CNTN4: variants seen among roughly 807,000 people sequenced by gnomAD.
The protein encoded by CNTN4 is contactin-4.
A neutral mutation model predicts 122.5 loss-of-function variants in CNTN4; 77 were observed. The observed-to-expected ratio is 0.63, with a 90% CI of 0.52 to 0.76. The LOEUF is 0.76. Among genes scored for constraint, CNTN4 ranks in the 30% least tolerant of loss-of-function variants. The pLI is 0.00. For missense variants in CNTN4, 1,256 were observed against 1,259.1 expected, an observed-to-expected ratio of 1.00 and a Z score of 0.04; for synonymous variants, 512 against 447.0, an observed-to-expected ratio of 1.15 and a Z score of -1.83.
At chr3:2,759,133 G>A (rs1241132863) in intron 6 of CNTN4, among the ~76,000 whole-genome samples, 4 of 152,018 alleles carry the variant, frequency 2.6e-5, no homozygotes, top group Middle Eastern at 3.2e-3. Flanking sequence ...CATCTGTGTC[G>A]TAGTGTGTAT....
intron 14 of CNTN4, among the ~76,000 whole-genome samples, chr3:3,018,377 T>G (rs1250127973): frequency 6.6e-6 from 1 of 152,230 alleles, no homozygotes; most frequent in African/African-American, 2.4e-5. Context: ...GCCATCTTTT[T>G]TATTTTATTG....
At chr3:3,047,340 C>T (rs1700764182) in intron 23 of CNTN4, among the ~76,000 whole-genome samples, 1 of 152,218 alleles carries the variant, frequency 6.6e-6, no homozygotes, top group Non-Finnish European at 1.5e-5. Flanking sequence ...CTCAGCACCA[C>T]ATCGCACTTA....
chr3:2,334,668 A>T (rs2043872299), intron 2 of CNTN4, among the ~76,000 whole-genome samples: 1 of 152,196 alleles, frequency 6.6e-6, no homozygotes, highest in Non-Finnish European at 1.5e-5. Context: ...GCGCAATTAT[A>T]GGAGACTTGT....
chr3:3,010,578 C>G (rs1322865724), intron 14 of CNTN4, among the ~76,000 whole-genome samples: 4 of 151,996 alleles, frequency 2.6e-5, no homozygotes, highest in Non-Finnish European at 5.9e-5. Flanking sequence ...GAAGCCAGCA[C>G]AATGCCTGAC....
At chr3:2,111,863 A>G (rs1239607113) in intron 2 of CNTN4, among the ~76,000 whole-genome samples, 2 of 152,148 alleles carry the variant, frequency 1.3e-5, no homozygotes, top group Non-Finnish European at 2.9e-5. Context: ...CATTTATTCA[A>G]TATGATGCTT....
intron 6 of CNTN4, among the ~76,000 whole-genome samples, chr3:2,751,882 G>T (rs754275886): frequency 6.6e-6 from 1 of 152,056 alleles, no homozygotes; most frequent in African/African-American, 2.4e-5. Context: ...GAGAAGATGA[G>T]ATGTTATATT....
rs182466567 is a variant in CNTN4, at chr3:2,873,440, G to A, written c.652+6491G>A. 5.3e-5 allele frequency among the ~76,000 whole-genome samples: 8 copies of A among 152,330 alleles called. No individual in the cohort carries two copies. The East Asian group carries it at 9.6e-4, about 18-fold the overall frequency. ...CAGGCCACAGTGCGCCATTTTGTGA[G>A]CCTTCACCTCTGTGACCATTATACC... On this transcript the variant is annotated intron_variant, in intron 8 of 24. Transcript: ENST00000418658.
At chr3:2,293,494 G>A (rs911868130) in intron 2 of CNTN4, among the ~76,000 whole-genome samples, 4 of 152,084 alleles carry the variant, frequency 2.6e-5, no homozygotes, top group African/African-American at 9.7e-5. Flanking sequence ...AATGACTTTA[G>A]GCAAGTTACT....
chr3:2,313,289 A>T (rs2042977959), intron 2 of CNTN4, among the ~76,000 whole-genome samples: 1 of 151,972 alleles, frequency 6.6e-6, no homozygotes, highest in South Asian at 2.1e-4. Flanking sequence ...AAGGGATTAA[A>T]AATATTAAGG....
chr3:2,349,012 C>G (rs557940094), intron 3 of CNTN4, among the ~76,000 whole-genome samples: 10 of 152,286 alleles, frequency 6.6e-5, no homozygotes, highest in South Asian at 2.1e-4. Context: ...AGGAAAGATA[C>G]AACTTTGTCC....
At chr3:2,184,882 A>G (rs73017082) in intron 2 of CNTN4, among the ~76,000 whole-genome samples, 4,050 of 152,336 alleles carry the variant, frequency 0.027, 89 homozygotes, top group Admixed American at 0.041. Context: ...TTATAACAGC[A>G]CAAATGGACA....
chr3:2,536,693 G>A (rs570238106), intron 3 of CNTN4, among the ~76,000 whole-genome samples: 34 of 151,496 alleles, frequency 2.2e-4, no homozygotes, highest in Non-Finnish European at 4.9e-4. Context: ...CAAAATGGTG[G>A]GATTACAGGC....
chr3:2,886,406 A>T lies in CNTN4; in HGVS notation c.756-634A>T, dbSNP rs561013026. 1.4e-3 allele frequency among the ~76,000 whole-genome samples: 199 copies of T among 139,746 alleles called. 1 individual carries two copies. The highest frequency in any genetic ancestry group is 4.9e-3 in the African/African-American group (192 of 38,918). 91.7% of individuals were successfully genotyped at this position (139,746 alleles called of 152,430 possible). A position where few individuals can be genotyped will look rare whatever the true frequency, so the allele number is the denominator to read the frequency against. On this transcript the variant is annotated intron_variant, in intron 9 of 24. Coordinates refer to ENST00000418658, the MANE Select transcript of CNTN4 (RefSeq NM_175607.3). ...GTGATACTCCGTCTCAAAATAAAAA[A>T]AAATATATTAAAAAAAAAAGAAAAG...
chr3:2,923,031 G>T (rs1361252687), intron 12 of CNTN4, among the ~76,000 whole-genome samples: 2 of 152,148 alleles, frequency 1.3e-5, no homozygotes, highest in Non-Finnish European at 2.9e-5. Context: ...AAACTGAAAG[G>T]TGTGTTTTCT....
chr3:2,099,347 C>G (rs1264619615), intron 1 of CNTN4: 4 of 152,346 alleles, frequency 2.6e-5, no homozygotes, highest in Admixed American at 2.0e-4. Context: ...CTGCGGGAAG[C>G]CTTCAAGTCA....
chr3:2,130,591 G>A (rs1438765365), intron 2 of CNTN4, among the ~76,000 whole-genome samples: 1 of 152,126 alleles, frequency 6.6e-6, no homozygotes, highest in East Asian at 1.9e-4. Context: ...GGCACAATTT[G>A]CCTATATAAG....
At chr3:2,462,385 T>C (rs573691504) in intron 3 of CNTN4, among the ~76,000 whole-genome samples, 15 of 152,234 alleles carry the variant, frequency 9.9e-5, no homozygotes, top group Middle Eastern at 3.4e-3. Context: ...AATTGGTGTG[T>C]TTAGATATAG....
rs188738244 is a variant in CNTN4 at position 2,444,427 on chromosome 3, G to A, written c.-89+105194G>A. 4.8e-3 allele frequency among the ~76,000 whole-genome samples: 732 copies of A among 152,162 alleles called. 2 individuals are homozygous for A. Among genetic ancestry groups the A allele is most frequent in the Middle Eastern group, 0.017 (5 of 294 alleles). On this transcript the variant is annotated intron_variant, in intron 3 of 24. Transcript: ENST00000418658. ...AGATGCTTGTCCTGGGAAGATGGGCGAGAACTCTTCAGGCAGAAGGGGCAG... is the reference window on the plus strand; with the variant it reads ...AGATGCTTGTCCTGGGAAGATGGGCAAGAACTCTTCAGGCAGAAGGGGCAG...
rs1488614561 is a variant in CNTN4, at chr3:2,902,946, A to T, written c.1148A>T (p.Gln383Leu). 6.2e-7 allele frequency: 1 copy of T among 1,613,842 alleles called. No individual in the cohort carries two copies. Among genetic ancestry groups the T allele is most frequent in the East Asian group, 2.2e-5 (1 of 44,842 alleles). ...AACCTCTCAGATGCTGGCATGTATC[A>T]GTGTTTGGCAGAGAATAAACATGGA... ...IVNLSDAGMY[Q>L]CLAENKHGVI... is the part of the protein sequence containing the mutation. The change falls in exon 12 of 25, where the codon CAG (glutamine) becomes CTG (leucine). Residue 383 changes from glutamine to leucine, a missense_variant. Transcript: ENST00000418658.
Sources: allele counts gnomAD v4.1 joint callset (sites outside exome capture counted in the v4.1 genomes callset), GRCh38; gene constraint gnomAD v4.1.1; transcripts MANE v1.5; gene names NCBI Gene and HGNC (gene_info 2026-07-23, HGNC 2026-07-21).